Variants in GRIK1 observed in about 807,000 individuals in gnomAD.
The protein encoded by GRIK1 is glutamate ionotropic receptor kainate type subunit 1.
A neutral mutation model predicts 105.7 loss-of-function variants in GRIK1; 69 were observed. The ratio of observed to expected loss-of-function variants is 0.65; its 90% confidence interval spans 0.54 to 0.80. The LOEUF is 0.80. Among genes scored for constraint, GRIK1 ranks in the 30% least tolerant of loss-of-function variants. The pLI, the probability that GRIK1 is intolerant of heterozygous loss-of-function variation, is 0.00. For missense variants in GRIK1, 1,109 were observed against 1,167.3 expected (o/e 0.95, Z 0.73); for synonymous variants, 438 against 431.3 (o/e 1.02, Z -0.19).
intron 1 of GRIK1, among the ~76,000 whole-genome samples, chr21:29,865,838 G>A (rs2146109452): frequency 6.6e-6 from 1 of 152,316 alleles, no homozygotes; most frequent in Middle Eastern, 3.4e-3. Context: ...AGTGTGGCAT[G>A]ACCCCCAAAT....
chr21:29,888,896 A>C (rs1308257450), intron 1 of GRIK1, among the ~76,000 whole-genome samples: 1 of 149,818 alleles, frequency 6.7e-6, no homozygotes. Flanking sequence ...CTGGCCTTCC[A>C]TCATGGAAAG....
chr21:29,674,542 A>T (rs138258084), intron 3 of GRIK1, among the ~76,000 whole-genome samples: 82 of 152,132 alleles, frequency 5.4e-4, no homozygotes, highest in African/African-American at 1.8e-3. Flanking sequence ...TCGGGGGGGA[A>T]CTTGGTGGGA....
chr21:29,709,819 C>T (rs1003629231), intron 1 of GRIK1, among the ~76,000 whole-genome samples: 2 of 151,746 alleles, frequency 1.3e-5, no homozygotes, highest in Admixed American at 1.3e-4. Context: ...CTCACCTTCT[C>T]ACATTATGAA....
At position 29,728,609 on chromosome 21, in the gene GRIK1, G is replaced by A. The variant is rs189533383; in HGVS notation, c.119-34546C>T. 1.2e-4 allele frequency among the ~76,000 whole-genome samples: 18 copies of A among 152,292 alleles called. No homozygotes were observed. In the East Asian group the frequency reaches 3.1e-3, roughly 26 times the overall value. On this transcript the variant is annotated intron_variant, in intron 1 of 17. Coordinates refer to ENST00000327783, the MANE Select transcript of GRIK1 (RefSeq NM_001330994.2). ...AGGGTTGTATCATAATAGCTTATAA[G>A]TGGAGAATGCAGTGTGTCAATTAGA...
intron 1 of GRIK1, among the ~76,000 whole-genome samples, chr21:29,757,044 G>A (rs1276250881): frequency 1.3e-5 from 2 of 152,160 alleles, no homozygotes; most frequent in East Asian, 3.9e-4. Flanking sequence ...TTGAACCTGG[G>A]AGGCAGAGGT....
chr21:29,557,449 T>G (rs1347816880), intron 15 of GRIK1, among the ~76,000 whole-genome samples: 1 of 152,230 alleles, frequency 6.6e-6, no homozygotes, highest in Non-Finnish European at 1.5e-5. Flanking sequence ...CCTGACTTCT[T>G]ACTTTTCAGT....
chr21:29,758,471 G>A (rs910224873), intron 1 of GRIK1, among the ~76,000 whole-genome samples: 3 of 152,126 alleles, frequency 2.0e-5, no homozygotes, highest in Admixed American at 2.0e-4. Flanking sequence ...AGAACAGCAC[G>A]GGAAAGACCT....
At chr21:29,724,721 T>G (rs896780237) in intron 1 of GRIK1, among the ~76,000 whole-genome samples, 4 of 152,226 alleles carry the variant, frequency 2.6e-5, no homozygotes, top group Non-Finnish European at 5.9e-5. Context: ...AACAATTTGA[T>G]AGAAGAGCAT....
intron 14 of GRIK1, among the ~76,000 whole-genome samples, chr21:29,565,208 G>A (rs913916657): frequency 1.8e-4 from 27 of 152,150 alleles, no homozygotes; most frequent in Non-Finnish European, 1.0e-4. Context: ...AACATAATGG[G>A]AGCAAGAAGA....
chr21:29,816,452 A>G (rs186072389), intron 1 of GRIK1, among the ~76,000 whole-genome samples: 1 of 152,262 alleles, frequency 6.6e-6, no homozygotes, highest in East Asian at 1.9e-4. Flanking sequence ...CCAGGTATTT[A>G]TCCAAAGGAA....
chr21:29,891,312 C>A (rs1208467336), intron 1 of GRIK1, among the ~76,000 whole-genome samples: 1 of 152,126 alleles, frequency 6.6e-6, no homozygotes, highest in Admixed American at 6.6e-5. Flanking sequence ...AAATATCATA[C>A]ATAAAATATT....
chr21:29,909,681 A>G (rs989333252), intron 1 of GRIK1, among the ~76,000 whole-genome samples: 2 of 152,110 alleles, frequency 1.3e-5, no homozygotes, highest in Non-Finnish European at 2.9e-5. Context: ...TTCAAATCAG[A>G]TGTGGTTTAG....
intron 1 of GRIK1, among the ~76,000 whole-genome samples, chr21:29,793,365 T>C (rs745655478): frequency 4.6e-5 from 7 of 152,136 alleles, no homozygotes; most frequent in Non-Finnish European, 8.8e-5. Flanking sequence ...CTCCCCCAAG[T>C]CCCATAGTGC....
chr21:29,742,047 T>G (rs974067176), intron 1 of GRIK1, among the ~76,000 whole-genome samples: 1 of 152,196 alleles, frequency 6.6e-6, no homozygotes, highest in African/African-American at 2.4e-5. Flanking sequence ...TGGTATTTTG[T>G]CAAGGAAAGA....
chr21:29,560,373 C>CTT (rs2090399336), intron 15 of GRIK1, among the ~76,000 whole-genome samples: 1 of 37,200 alleles, frequency 2.7e-5, no homozygotes, highest in African/African-American at 1.2e-4. Context: ...TTCTTCCTTC[C>CTT]TTCCTTCCTT....
intron 1 of GRIK1, among the ~76,000 whole-genome samples, chr21:29,867,085 G>A (rs1286983429): frequency 6.6e-6 from 1 of 152,134 alleles, no homozygotes; most frequent in Non-Finnish European, 1.5e-5. Context: ...GACATTTTTA[G>A]TATACGCTCA....
At chr21:29,618,869 T>C (rs2061913349) in intron 7 of GRIK1, among the ~76,000 whole-genome samples, 1 of 152,182 alleles carries the variant, frequency 6.6e-6, no homozygotes, top group African/African-American at 2.4e-5. Context: ...GGCTCACGAC[T>C]GTAATCCCAG....
At chr21:29,931,222 A>C (rs1305333104) in intron 1 of GRIK1, among the ~76,000 whole-genome samples, 1 of 152,278 alleles carries the variant, frequency 6.6e-6, no homozygotes, top group East Asian at 1.9e-4. Context: ...TCGGGATTGC[A>C]TTCAGGATAG....
At chr21:29,678,275 C>A (rs568039513) in intron 3 of GRIK1, among the ~76,000 whole-genome samples, 1 of 151,958 alleles carries the variant, frequency 6.6e-6, no homozygotes, top group Non-Finnish European at 1.5e-5. Context: ...AAAATGAAAA[C>A]GGGTATGTGA....
Sources: gnomAD v4.1 joint callset for allele counts (sites outside exome capture counted in the v4.1 genomes callset) on GRCh38, gnomAD v4.1.1 for gene constraint, MANE v1.5 for transcripts, NCBI Gene and HGNC (gene_info 2026-07-23, HGNC 2026-07-21) for gene names.